The following PPARGC1A variants were observed in gnomAD, a reference collection of about 807,000 sequenced individuals.
PPARGC1A encodes the protein PPARG coactivator 1 alpha, also known as peroxisome proliferator-activated receptor gamma coactivator 1-alpha.
A neutral mutation model predicts 88.7 loss-of-function variants in PPARGC1A; 25 were observed. That is an observed-to-expected ratio of 0.28 (90% confidence interval 0.21 to 0.39). The LOEUF is 0.39. PPARGC1A is among the 10% of genes least tolerant of loss of function. The probability of loss-of-function intolerance (pLI) is 1.00; values close to 1 mark genes in which losing one functional copy is unlikely to be tolerated. For synonymous variants in PPARGC1A, 363 were observed against 355.6 expected (o/e 1.02, Z -0.24); for missense variants, 880 against 968.7 (o/e 0.91, Z 1.22).
chr4:24,075,128 G>A, the PPARGC1A span, among the ~76,000 whole-genome samples: 18 of 152,146 alleles, frequency 1.2e-4, no homozygotes, highest in East Asian at 5.8e-4. Flanking sequence ...CTATGAGCCC[G>A]TCTCCACTTC....
At chr4:24,148,511 T>A in the PPARGC1A span, among the ~76,000 whole-genome samples, 4 of 152,198 alleles carry the variant, frequency 2.6e-5, no homozygotes, top group Admixed American at 2.6e-4. Context: ...ATGTGATCTG[T>A]CAGATTCTGG....
the PPARGC1A span, among the ~76,000 whole-genome samples, chr4:24,110,084 G>A: frequency 2.6e-5 from 4 of 152,114 alleles, no homozygotes; most frequent in East Asian, 1.9e-4. Flanking sequence ...TTCCTTCCAC[G>A]TGACTTATTT....
chr4:23,917,584 A>C, the PPARGC1A span, among the ~76,000 whole-genome samples: 538 of 152,086 alleles, frequency 3.5e-3, 2 homozygotes, highest in African/African-American at 0.012. Flanking sequence ...CGGCTTCCCA[A>C]AGTGCTGGGA....
At chr4:23,835,791 T>A (rs1302887452) in intron 2 of PPARGC1A, among the ~76,000 whole-genome samples, 1 of 152,186 alleles carries the variant, frequency 6.6e-6, no homozygotes, top group Admixed American at 6.5e-5. Flanking sequence ...TTATATAATG[T>A]TGAGTGGATA....
chr4:24,107,765 G>A, the PPARGC1A span, among the ~76,000 whole-genome samples: 1 of 152,184 alleles, frequency 6.6e-6, no homozygotes, highest in Non-Finnish European at 1.5e-5. Context: ...TTCTGAGAGA[G>A]GGAGTGAAGT....
the PPARGC1A span, among the ~76,000 whole-genome samples, chr4:24,401,015 C>CTTTTTTTTTTTTTT: frequency 1.0e-5 from 1 of 99,826 alleles, no homozygotes; most frequent in Non-Finnish European, 1.8e-5. Context: ...CCTGAATTTT[C>CTTTTTTTTTTTTTT]TTTTTTTTTT....
the PPARGC1A span, among the ~76,000 whole-genome samples, chr4:24,286,942 C>T: frequency 6.6e-6 from 1 of 151,996 alleles, no homozygotes; most frequent in Non-Finnish European, 1.5e-5. Flanking sequence ...ACTGGCTTCC[C>T]CAAGAGAAAG....
chr4:23,992,390 A>G, the PPARGC1A span, among the ~76,000 whole-genome samples: 4 of 152,046 alleles, frequency 2.6e-5, no homozygotes, highest in Non-Finnish European at 5.9e-5. Context: ...TTGCATGCCA[A>G]GCATTTTTCT....
At chr4:24,064,003 G>A in the PPARGC1A span, among the ~76,000 whole-genome samples, 1 of 152,226 alleles carries the variant, frequency 6.6e-6, no homozygotes, top group Non-Finnish European at 1.5e-5. Flanking sequence ...AGACTCTGGA[G>A]TGGGCCAGCC....
the PPARGC1A span, among the ~76,000 whole-genome samples, chr4:23,950,527 T>C: frequency 1.3e-5 from 2 of 152,162 alleles, no homozygotes; most frequent in African/African-American, 4.8e-5. Flanking sequence ...TAATGATTTA[T>C]AGAAAACACT....
chr4:24,290,489 TATA>T, the PPARGC1A span, among the ~76,000 whole-genome samples: 1 of 152,172 alleles, frequency 6.6e-6, no homozygotes, highest in Non-Finnish European at 1.5e-5. Context: ...AAATGGAGAT[TATA>T]ATATCTATCT....
At chr4:24,331,198 A>G in the PPARGC1A span, among the ~76,000 whole-genome samples, 1,567 of 152,282 alleles carry the variant, frequency 0.01, 26 homozygotes, top group African/African-American at 0.035. Flanking sequence ...TGTGCACTCA[A>G]TAAATGCACC....
At chr4:23,945,174 A>G in the PPARGC1A span, among the ~76,000 whole-genome samples, 3 of 152,126 alleles carry the variant, frequency 2.0e-5, no homozygotes, top group African/African-American at 4.8e-5. Flanking sequence ...TAAAAAGTCT[A>G]TATTAGAACT....
At chr4:24,052,864 T>C in the PPARGC1A span, among the ~76,000 whole-genome samples, 1 of 122,154 alleles carries the variant, frequency 8.2e-6, no homozygotes, top group Non-Finnish European at 1.7e-5. Context: ...ATTTTTTTTT[T>C]TTTTTTTTTT....
chr4:24,120,366 G>T, the PPARGC1A span, among the ~76,000 whole-genome samples: 1 of 152,164 alleles, frequency 6.6e-6, no homozygotes, highest in African/African-American at 2.4e-5. Context: ...CAATAACTCT[G>T]CAAACTCTGG....
chr4:24,323,588 T>C, the PPARGC1A span, among the ~76,000 whole-genome samples: 8 of 151,956 alleles, frequency 5.3e-5, no homozygotes, highest in Non-Finnish European at 7.4e-5. Flanking sequence ...TCCTATAAAA[T>C]GGCCCCACCC....
chr4:23,807,783 C>G (rs1008013497), intron 10 of PPARGC1A, among the ~76,000 whole-genome samples: 1 of 151,596 alleles, frequency 6.6e-6, no homozygotes, highest in Non-Finnish European at 1.5e-5. Flanking sequence ...AACATGAAAT[C>G]TATCCTCTCA....
the PPARGC1A span, among the ~76,000 whole-genome samples, chr4:24,265,466 A>T: frequency 6.6e-6 from 1 of 152,316 alleles, no homozygotes; most frequent in East Asian, 1.9e-4. Context: ...TTGAAAGCCA[A>T]ATCCTCTTCT....
At chr4:23,976,546 C>A in the PPARGC1A span, among the ~76,000 whole-genome samples, 2 of 152,318 alleles carry the variant, frequency 1.3e-5, no homozygotes, top group East Asian at 1.9e-4. Context: ...CACCCTACCA[C>A]CAATACTTAT....
Sources: gnomAD v4.1 joint callset for allele counts (sites outside exome capture counted in the v4.1 genomes callset) on GRCh38, gnomAD v4.1.1 for gene constraint, MANE v1.5 for transcripts, NCBI Gene and HGNC (gene_info 2026-07-23, HGNC 2026-07-21) for gene names.